The following RBPMS variants were observed in gnomAD, a reference collection of about 807,000 sequenced individuals.
RBPMS encodes the protein RNA binding protein, mRNA processing factor.
A neutral mutation model predicts 26.8 loss-of-function variants in RBPMS; 7 were observed. That is an observed-to-expected ratio of 0.26 (90% CI 0.15 to 0.49). The LOEUF (loss-of-function observed/expected upper bound fraction) is 0.49, where lower values mean the gene tolerates loss of function less well. Ranked by LOEUF, RBPMS falls within the 20% of genes least tolerant of loss-of-function variation. The pLI, the probability that RBPMS is intolerant of heterozygous loss-of-function variation, is 0.98. For synonymous variants in RBPMS, 96 were observed against 93.3 expected (o/e 1.03, Z -0.17); for missense variants, 186 against 250.0 (o/e 0.74, Z 1.73).
At chr8:30,543,348 G>T (rs189876343) in intron 5 of RBPMS, among the ~76,000 whole-genome samples, 3 of 152,282 alleles carry the variant, frequency 2.0e-5, no homozygotes, top group East Asian at 3.9e-4. Context: ...GTATTGAAGA[G>T]TTTCGGGGGA....
intron 1 of RBPMS, among the ~76,000 whole-genome samples, chr8:30,387,768 T>G (rs1807284599): frequency 6.6e-6 from 1 of 152,254 alleles, no homozygotes; most frequent in African/African-American, 2.4e-5. Context: ...TTTTTTTCTG[T>G]GTTTCTAGTT....
chr8:30,439,184 C>T (rs1366522254), intron 1 of RBPMS, among the ~76,000 whole-genome samples: 3 of 152,200 alleles, frequency 2.0e-5, no homozygotes, highest in African/African-American at 7.2e-5. Context: ...AAATTAACAG[C>T]TGTAGTCAGT....
At chr8:30,568,722 TTCCCAGATG>T (rs2151098272) in intron 8 of RBPMS, among the ~76,000 whole-genome samples, 1 of 152,334 alleles carries the variant, frequency 6.6e-6, no homozygotes, top group East Asian at 1.9e-4. Context: ...TGGGGCTGTG[TTCCCAGATG>T]TCTTTGGATT....
intron 6 of RBPMS, chr8:30,552,290 C>A (rs1359114958): frequency 6.6e-6 from 1 of 152,126 alleles, no homozygotes. Context: ...GAAACAAAAC[C>A]AAGGCCACAG....
chr8:30,474,610 G>A (rs935322315), intron 1 of RBPMS, among the ~76,000 whole-genome samples, 169 bp from the exon 2 acceptor site: 4 of 152,222 alleles, frequency 2.6e-5, no homozygotes, highest in East Asian at 1.9e-4. Context: ...AAAAAAAAGT[G>A]TTGGCTTAGT....
At chr8:30,389,423 G>A (rs985866239) in intron 1 of RBPMS, among the ~76,000 whole-genome samples, 4 of 152,150 alleles carry the variant, frequency 2.6e-5, no homozygotes, top group Non-Finnish European at 5.9e-5. Context: ...ATTTTCGTAG[G>A]TTCATGTTAA....
chr8:30,388,319 ATTAT>A (rs2150533405), intron 1 of RBPMS, among the ~76,000 whole-genome samples: 1 of 151,862 alleles, frequency 6.6e-6, no homozygotes, highest in East Asian at 2.0e-4. Context: ...TAGATCCATA[ATTAT>A]TTGTCTTACC....
At chr8:30,557,827 C>A (rs115412273) in intron 6 of RBPMS, among the ~76,000 whole-genome samples, 2 of 152,294 alleles carry the variant, frequency 1.3e-5, no homozygotes, top group East Asian at 3.9e-4. Flanking sequence ...TGATGGATGC[C>A]GTTAAAGACA....
intron 6 of RBPMS, among the ~76,000 whole-genome samples, chr8:30,557,247 C>T (rs909370151): frequency 2.6e-5 from 4 of 152,178 alleles, no homozygotes; most frequent in Admixed American, 6.5e-5. Flanking sequence ...CTCAGGCCAG[C>T]GAGGAAAGAA....
At chr8:30,461,114 A>T (rs1252302144) in intron 1 of RBPMS, among the ~76,000 whole-genome samples, 2 of 151,894 alleles carry the variant, frequency 1.3e-5, no homozygotes, top group Non-Finnish European at 2.9e-5. Context: ...GTAAAAATGC[A>T]TATGCACCCC....
chr8:30,469,364 T>C (rs1816844324), intron 1 of RBPMS, among the ~76,000 whole-genome samples: 1 of 152,228 alleles, frequency 6.6e-6, no homozygotes, highest in South Asian at 2.1e-4. Context: ...GAGCTGGCAA[T>C]GCCATTTAAG....
intron 5 of RBPMS, among the ~76,000 whole-genome samples, chr8:30,539,726 A>T (rs895552375): frequency 6.6e-6 from 1 of 151,858 alleles, no homozygotes; most frequent in African/African-American, 2.4e-5. Context: ...CCCAGGTTCA[A>T]GCAATTCTTG....
chr8:30,555,863 C>T (rs1826836643), intron 6 of RBPMS: 6 of 985,180 alleles, frequency 6.1e-6, no homozygotes, highest in South Asian at 9.4e-5. Context: ...AGAGAACCCT[C>T]TCCTCATTAC....
At chr8:30,531,652 A>G (rs1824236253) in intron 5 of RBPMS, among the ~76,000 whole-genome samples, 1 of 152,296 alleles carries the variant, frequency 6.6e-6, no homozygotes, top group East Asian at 1.9e-4. Context: ...GGGGGGAGTT[A>G]TTTACATTAG....
At chr8:30,460,330 C>T (rs1815737903) in intron 1 of RBPMS, among the ~76,000 whole-genome samples, 1 of 152,166 alleles carries the variant, frequency 6.6e-6, no homozygotes, top group Non-Finnish European at 1.5e-5. Context: ...GAGAAAGGCA[C>T]TAATGTAAAA....
intron 5 of RBPMS, among the ~76,000 whole-genome samples, chr8:30,519,773 G>A (rs1362271651): frequency 2.0e-5 from 3 of 152,070 alleles, no homozygotes; most frequent in Non-Finnish European, 4.4e-5. Flanking sequence ...GATTACAGGC[G>A]TGAGCCACCG....
At chr8:30,507,142 A>G (rs1424997693) in intron 5 of RBPMS, among the ~76,000 whole-genome samples, 3 of 152,180 alleles carry the variant, frequency 2.0e-5, no homozygotes, top group East Asian at 3.9e-4. Context: ...AGCTGGGTAG[A>G]TGGTGGCCTG....
At chr8:30,473,921 A>G (rs995547527) in intron 1 of RBPMS, among the ~76,000 whole-genome samples, 22 of 152,118 alleles carry the variant, frequency 1.4e-4, no homozygotes, top group African/African-American at 4.8e-4. Context: ...GGAATAACAC[A>G]CATTGGGCTT....
chr8:30,556,378 G>C (rs538132522), intron 6 of RBPMS: 1 of 985,578 alleles, frequency 1.0e-6, no homozygotes, highest in African/African-American at 1.7e-5. Flanking sequence ...GCACCTGTGC[G>C]AGTGAGAACG....
Sources: gnomAD v4.1 joint callset for allele counts (sites outside exome capture counted in the v4.1 genomes callset) on GRCh38, gnomAD v4.1.1 for gene constraint, MANE v1.5 for transcripts, NCBI Gene and HGNC (gene_info 2026-07-23, HGNC 2026-07-21) for gene names.